HMGB1: variants seen among roughly 807,000 people sequenced by gnomAD.
HMGB1 encodes high mobility group protein B1.
For missense variants in HMGB1, 79 were observed against 253.5 expected, an observed-to-expected ratio of 0.31 and a Z score of 4.67; for synonymous variants, 81 against 84.0, an observed-to-expected ratio of 0.96 and a Z score of 0.19.
At chr13:30,546,352 G>C (rs1186191415) in intron 1 of HMGB1, among the ~76,000 whole-genome samples, 1 of 152,206 alleles carries the variant, frequency 6.6e-6, no homozygotes, top group Admixed American at 6.5e-5. Context: ...CTGACCTCGT[G>C]ATCTGCCTGC....
intron 1 of HMGB1, among the ~76,000 whole-genome samples, chr13:30,485,628 G>A (rs568505520): frequency 2.0e-5 from 3 of 152,292 alleles, no homozygotes; most frequent in South Asian, 2.1e-4. Context: ...AGAAAAGACA[G>A]CAGATCTGCA....
intron 3 of HMGB1, among the ~76,000 whole-genome samples, chr13:30,462,915 G>A (rs1478209489): frequency 1.3e-5 from 2 of 152,092 alleles, no homozygotes; most frequent in Non-Finnish European, 2.9e-5. Flanking sequence ...TAGAACCCTA[G>A]ATGAACATTC....
intron 1 of HMGB1, among the ~76,000 whole-genome samples, chr13:30,511,822 A>C (rs557583901): frequency 1.3e-5 from 2 of 152,240 alleles, no homozygotes; most frequent in Admixed American, 6.5e-5. Context: ...CCACTGCCCC[A>C]AACACACACC....
At chr13:30,509,928 A>G (rs1195622491) in intron 1 of HMGB1, among the ~76,000 whole-genome samples, 1 of 152,184 alleles carries the variant, frequency 6.6e-6, no homozygotes, top group Non-Finnish European at 1.5e-5. Flanking sequence ...ACTCTTACCT[A>G]TAGGCTAATT....
chr13:30,594,093 T>C (rs1389489594), intron 1 of HMGB1, among the ~76,000 whole-genome samples: 9 of 152,230 alleles, frequency 5.9e-5, no homozygotes, highest in Non-Finnish European at 1.0e-4. Flanking sequence ...GAAAAAAATG[T>C]GTGTATATTC....
intron 1 of HMGB1, among the ~76,000 whole-genome samples, chr13:30,538,490 CTTT>C (rs759610010): frequency 1.6e-5 from 1 of 60,806 alleles, no homozygotes; most frequent in Non-Finnish European, 3.7e-5. Context: ...TTCTTTCTTT[CTTT>C]CTTTCTTTCT....
At chr13:30,471,054 C>T (rs1886912149) in intron 1 of HMGB1, among the ~76,000 whole-genome samples, 1 of 152,094 alleles carries the variant, frequency 6.6e-6, no homozygotes, top group Non-Finnish European at 1.5e-5. Context: ...TCTCAGCTCA[C>T]TGCGACCTCC....
At chr13:30,552,795 C>T (rs1414087985) in intron 1 of HMGB1, among the ~76,000 whole-genome samples, 1 of 152,162 alleles carries the variant, frequency 6.6e-6, no homozygotes, top group Admixed American at 6.5e-5. Context: ...ACATTCTGAG[C>T]AATATATCAC....
chr13:30,458,384 C>G lies in HMGB1; in HGVS notation c.*2973G>C, dbSNP rs1475051789. On this transcript the variant is annotated 3_prime_UTR_variant, in exon 5 of 5. Transcript: ENST00000341423. ...TTGCTCTGTCACCCAGGCTGGAGTG[C>G]AGTGGCACAATCTCGGCTCACTGCA... is the stretch of plus-strand genomic sequence containing the variant. 4 of 142,898 alleles carry G rather than the reference C, an allele frequency of 2.8e-5. No individual in the cohort carries two copies. The highest frequency in any genetic ancestry group is 7.3e-5 in the Admixed American group (1 of 13,758). The allele number at this position is 142,898 out of a possible 1,614,324, so 8.9% of individuals were successfully genotyped here. A position where few individuals can be genotyped will look rare whatever the true frequency, so the allele number is the denominator to read the frequency against.
In HMGB1 at chr13:30,465,916, C is replaced by G. The variant is rs1299656411; in HGVS notation, c.-135G>C. 1.0e-6 allele frequency: 1 copy of G among 986,030 alleles called. No individual in the cohort carries two copies. Among genetic ancestry groups the G allele is most frequent in the Non-Finnish European group, 1.2e-6 (1 of 830,044 alleles). The allele number at this position is 986,030 out of a possible 1,614,324, so 61.1% of individuals were successfully genotyped here. ...GCGGGAGCCAGACGCAGCCTCCTCA[C>G]TCTCTCCGCTCTGTAACATTACTCT... is the stretch of plus-strand genomic sequence containing the variant. On this transcript the variant is annotated 5_prime_UTR_variant, in exon 1 of 5. Transcript: ENST00000341423.
At chr13:30,534,166 A>G (rs771490953) in intron 1 of HMGB1, among the ~76,000 whole-genome samples, 3 of 152,130 alleles carry the variant, frequency 2.0e-5, no homozygotes, top group Admixed American at 1.3e-4. Context: ...CCCTAAGACT[A>G]TCTTTATCTC....
At chr13:30,545,757 G>A (rs1469508459) in intron 1 of HMGB1, among the ~76,000 whole-genome samples, 1 of 152,132 alleles carries the variant, frequency 6.6e-6, no homozygotes, top group African/African-American at 2.4e-5. Flanking sequence ...GTGCAGTGGT[G>A]CAATCATGGA....
chr13:30,589,226 A>G (rs1871277584), intron 1 of HMGB1, among the ~76,000 whole-genome samples: 3 of 151,880 alleles, frequency 2.0e-5, no homozygotes, highest in Admixed American at 2.0e-4. Flanking sequence ...GCTGGTCTCA[A>G]ACTCCCAACC....
At chr13:30,549,711 GTTT>G (rs58245075) in intron 1 of HMGB1, among the ~76,000 whole-genome samples, 1 of 135,666 alleles carries the variant, frequency 7.4e-6, no homozygotes. Flanking sequence ...CTAATTGTTT[GTTT>G]TTTTTTTTTT....
At chr13:30,516,293 T>G (rs1888100909) in intron 1 of HMGB1, among the ~76,000 whole-genome samples, 1 of 152,246 alleles carries the variant, frequency 6.6e-6, no homozygotes, top group Non-Finnish European at 1.5e-5. Flanking sequence ...ATTCAAGATA[T>G]TCAAGAGCTG....
chr13:30,493,857 A>G (rs1458339279), intron 1 of HMGB1, among the ~76,000 whole-genome samples: 1 of 152,024 alleles, frequency 6.6e-6, no homozygotes, highest in Non-Finnish European at 1.5e-5. Flanking sequence ...GTGCACCTGT[A>G]ATCCCAGCTG....
chr13:30,561,289 G>T (rs1315924602), intron 1 of HMGB1, among the ~76,000 whole-genome samples: 1 of 152,086 alleles, frequency 6.6e-6, no homozygotes, highest in Non-Finnish European at 1.5e-5. Context: ...TCTACCTGAT[G>T]GTATTAAGAT....
intron 1 of HMGB1, among the ~76,000 whole-genome samples, chr13:30,607,264 A>G (rs896672679): frequency 1.3e-5 from 2 of 152,224 alleles, no homozygotes; most frequent in African/African-American, 4.8e-5. Flanking sequence ...ATTATCACTC[A>G]TATGGTTTGG....
chr13:30,617,307 CAGGG>C (rs1372985900), exon 1 of HMGB1: 1 of 152,274 alleles, frequency 6.6e-6, no homozygotes, highest in Non-Finnish European at 1.5e-5. Context: ...TCTAGGGAGA[CAGGG>C]AGGGGCAGCT....
Sources: gnomAD v4.1 joint callset for allele counts (sites outside exome capture counted in the v4.1 genomes callset) on GRCh38, gnomAD v4.1.1 for gene constraint, MANE v1.5 for transcripts, NCBI Gene and HGNC (gene_info 2026-07-23, HGNC 2026-07-21) for gene names.